The following CALN1 variants were observed in gnomAD, a reference collection of about 807,000 sequenced individuals.
CALN1 encodes calneuron 1, also known as calcium-binding protein 8.
In CALN1, 17 loss-of-function variants were observed where a neutral mutation model predicts 30.6. That is an observed-to-expected ratio of 0.56 (90% CI 0.38 to 0.83). CALN1 has a LOEUF of 0.83. CALN1 is among the 40% of genes least tolerant of loss of function. The pLI, the probability that CALN1 is intolerant of heterozygous loss-of-function variation, is 0.00. For synonymous variants in CALN1, 156 were observed against 131.4 expected, an observed-to-expected ratio of 1.19 and a Z score of -1.28; for missense variants, 291 against 354.9, an observed-to-expected ratio of 0.82 and a Z score of 1.45.
At chr7:72,495,808 T>G in the CALN1 span, among the ~76,000 whole-genome samples, 1 of 152,270 alleles carries the variant, frequency 6.6e-6, no homozygotes, top group African/African-American at 2.4e-5. Context: ...TGCTCTGATA[T>G]CTAGCATCCT....
intron 5 of CALN1, among the ~76,000 whole-genome samples, chr7:71,956,724 T>C (rs917990722): frequency 2.0e-5 from 3 of 151,690 alleles, no homozygotes; most frequent in Non-Finnish European, 4.4e-5. Context: ...TGAGACAGAG[T>C]TTCACTCTGC....
chr7:72,395,460 C>T (rs1805866322), intron 2 of CALN1, among the ~76,000 whole-genome samples: 2 of 152,252 alleles, frequency 1.3e-5, no homozygotes, highest in Admixed American at 1.3e-4. Context: ...TAGGGCATCA[C>T]TAAGATTTTA....
the CALN1 span, among the ~76,000 whole-genome samples, chr7:72,473,095 G>A: frequency 1.3e-5 from 2 of 151,792 alleles, no homozygotes; most frequent in Non-Finnish European, 2.9e-5. Flanking sequence ...CCCTGTTTTT[G>A]AGGCTGTGCA....
chr7:72,284,290 G>A (rs113755039), intron 2 of CALN1, among the ~76,000 whole-genome samples: 1 of 152,146 alleles, frequency 6.6e-6, no homozygotes, highest in Non-Finnish European at 1.5e-5. Context: ...GGGAGACCTT[G>A]TCTCTAAAAA....
chr7:72,357,095 T>C (rs1460280729), intron 2 of CALN1, among the ~76,000 whole-genome samples: 1 of 151,984 alleles, frequency 6.6e-6, no homozygotes, highest in African/African-American at 2.4e-5. Flanking sequence ...ATGATTAAAA[T>C]GAAAACCAAA....
chr7:72,268,424 T>C (rs1796735841), intron 3 of CALN1, among the ~76,000 whole-genome samples: 1 of 152,208 alleles, frequency 6.6e-6, no homozygotes, highest in Admixed American at 6.5e-5. Context: ...TAGAGAGCTA[T>C]TTAAGAATGA....
At chr7:71,829,117 T>A (rs578100123) in intron 5 of CALN1, among the ~76,000 whole-genome samples, 2 of 152,102 alleles carry the variant, frequency 1.3e-5, no homozygotes, top group African/African-American at 4.8e-5. Flanking sequence ...CTTGTGCACA[T>A]GTCAGGACTC....
chr7:72,012,531 A>G (rs1293492136), intron 5 of CALN1, among the ~76,000 whole-genome samples: 1 of 152,166 alleles, frequency 6.6e-6, no homozygotes, highest in Non-Finnish European at 1.5e-5. Flanking sequence ...ACAAAACAAA[A>G]ATTACATTTA....
At chr7:72,294,629 G>C (rs983446196) in intron 2 of CALN1, among the ~76,000 whole-genome samples, 3 of 151,862 alleles carry the variant, frequency 2.0e-5, no homozygotes, top group Non-Finnish European at 4.4e-5. Context: ...CGCACCTGTA[G>C]TCTCAGCTAC....
intron 5 of CALN1, among the ~76,000 whole-genome samples, chr7:71,812,597 A>G (rs1788018934): frequency 6.6e-6 from 1 of 152,212 alleles, no homozygotes; most frequent in South Asian, 2.1e-4. Context: ...AGCTCAGGAA[A>G]GAACTGGTTG....
At chr7:72,490,556 T>A in the CALN1 span, among the ~76,000 whole-genome samples, 136 of 152,304 alleles carry the variant, frequency 8.9e-4, no homozygotes, top group African/African-American at 3.1e-3. Context: ...CCAAATCTCA[T>A]GTTGAATTGT....
At chr7:72,495,454 C>T in the CALN1 span, among the ~76,000 whole-genome samples, 1 of 152,242 alleles carries the variant, frequency 6.6e-6, no homozygotes, top group East Asian at 1.9e-4. Flanking sequence ...ACCCAACCCA[C>T]TGTGCTAGCT....
the CALN1 span, among the ~76,000 whole-genome samples, chr7:72,456,547 A>G: frequency 6.6e-6 from 1 of 151,864 alleles, no homozygotes; most frequent in Non-Finnish European, 1.5e-5. Flanking sequence ...CCAAAATAAT[A>G]ATAAATATAT....
At chr7:71,823,298 T>TCAC (rs1788700759) in intron 5 of CALN1, among the ~76,000 whole-genome samples, 1 of 152,148 alleles carries the variant, frequency 6.6e-6, no homozygotes, top group Non-Finnish European at 1.5e-5. Flanking sequence ...TCCTCCTGTG[T>TCAC]AGCTGGGATT....
intron 5 of CALN1, among the ~76,000 whole-genome samples, chr7:71,896,655 C>A (rs989349880): frequency 6.6e-6 from 1 of 152,106 alleles, no homozygotes; most frequent in Non-Finnish European, 1.5e-5. Context: ...GAAGGAGGAC[C>A]AGGCTTTGAG....
At chr7:72,420,867 G>A (rs1486759848) in intron 1 of CALN1, among the ~76,000 whole-genome samples, 1 of 152,038 alleles carries the variant, frequency 6.6e-6, no homozygotes, top group Non-Finnish European at 1.5e-5. Flanking sequence ...ACCCGCCTCA[G>A]CCTCCCGAAG....
intron 2 of CALN1, among the ~76,000 whole-genome samples, chr7:72,365,527 C>T (rs1004605291): frequency 1.3e-5 from 2 of 151,920 alleles, no homozygotes. Flanking sequence ...CCTCCTGGGC[C>T]CAAGCGATCC....
At chr7:72,457,837 C>T in the CALN1 span, among the ~76,000 whole-genome samples, 11 of 151,200 alleles carry the variant, frequency 7.3e-5, no homozygotes, top group Admixed American at 4.6e-4. Flanking sequence ...CTCACTGCAG[C>T]CTCGACCTCT....
In CALN1 at chr7:72,037,028, G is replaced by A. The variant is rs1056626482; in HGVS notation, c.389-13259C>T. On this transcript the variant is annotated intron_variant, in intron 4 of 6. Transcript: ENST00000395275. ...TACTGTTTTGGTTGTTGCCCAGGCT[G>A]GAGTGCAGTGGTGTGATCACAGCTC... 4.6e-5 allele frequency among the ~76,000 whole-genome samples: 7 copies of A among 152,210 alleles called. No individual in the cohort carries two copies. In the East Asian group the frequency reaches 1.3e-3, roughly 29 times the overall value.
Sources: allele counts gnomAD v4.1 joint callset (sites outside exome capture counted in the v4.1 genomes callset), GRCh38; gene constraint gnomAD v4.1.1; transcripts MANE v1.5; gene names NCBI Gene and HGNC (gene_info 2026-07-23, HGNC 2026-07-21).